TTN: variants seen among roughly 807,000 people sequenced by gnomAD.
TTN encodes titin.
A neutral mutation model predicts 3,223.0 loss-of-function variants in TTN; 1,525 were observed. That is an observed-to-expected ratio of 0.47 (90% CI 0.45 to 0.49). The LOEUF (loss-of-function observed/expected upper bound fraction) is 0.49, where lower values mean the gene tolerates loss of function less well. Among genes scored for constraint, TTN ranks in the 20% least tolerant of loss-of-function variants. The pLI is 0.00. For synonymous variants in TTN, 14,094 were observed against 15,161.0 expected, an observed-to-expected ratio of 0.93 and a Z score of 5.17; for missense variants, 40,786 against 43,424.0, an observed-to-expected ratio of 0.94 and a Z score of 5.40.
At chr2:178,719,010 G>T (rs770445318) in intron 83 of TTN, 37 bp from the exon 84 acceptor site, 2 of 1,537,020 alleles carry the variant, frequency 1.3e-6, no homozygotes, top group African/African-American at 1.4e-5. Context: ...ATAAAGAGAA[G>T]AAAGAAATCC....
At position 178,685,528 on chromosome 2, in the gene TTN, C is replaced by T; in HGVS notation, c.32382G>A (p.Glu10794=). 6.2e-7 allele frequency: 1 copy of T among 1,612,880 alleles called. No individual in the cohort carries two copies. The highest frequency in any genetic ancestry group is 8.5e-7 in the Non-Finnish European group (1 of 1,179,438). Residue 10794 remains glutamate, a synonymous_variant, in exon 128 of 363, where the codon GAG becomes GAA. Coordinates refer to ENST00000589042, the MANE Select transcript of TTN (RefSeq NM_001267550.2). ...AAAGAGTCAGCATACCTTCAGCTGGCTCAGCTTCCACTCTCTTAGAAATAA... is the reference window on the plus strand; with the variant it reads ...AAAGAGTCAGCATACCTTCAGCTGGTTCAGCTTCCACTCTCTTAGAAATAA... ...LHIISKRVEA[E]PAEVTERQEK... is the part of the protein sequence containing the mutation.
In TTN at chr2:178,770,769, A is replaced by G. The variant is rs1022006358; in HGVS notation, c.8117-94T>C. 4 of 1,452,944 alleles carry G rather than the reference A, an allele frequency of 2.8e-6. No homozygotes were observed. The African/African-American group carries it at 4.2e-5, about 15-fold the overall frequency. The allele number at this position is 1,452,944 out of a possible 1,614,324, so 90.0% of individuals were successfully genotyped here. ...AGATCATTGCTTACTCACCCTGCAA[A>G]AGAATGGCTACCAAACATTTTACAG... On this transcript the variant is annotated intron_variant, in intron 34 of 362. Transcript: ENST00000589042.
Position 178,709,758 on chromosome 2 carries a change from G to C in TTN, c.28561C>G (p.Gln9521Glu). The change falls in exon 99 of 363, where the codon CAA (glutamine) becomes GAA (glutamate). Residue 9521 changes from glutamine to glutamate, a missense_variant. Gln to Glu is a conservative substitution (Grantham distance 29). Coordinates refer to ENST00000589042, the MANE Select transcript of TTN (RefSeq NM_001267550.2). ...TTGTACCAGGCAACAGTTATAGGTT[G>C]GGAACCAGCCACACGTCCCTCAAGT... ...FKLEGRVAGS[Q>E]PITVAWYKNN... 6.2e-7 allele frequency: 1 copy of C among 1,613,756 alleles called. No individual in the cohort carries two copies. The highest frequency in any genetic ancestry group is 8.5e-7 in the Non-Finnish European group (1 of 1,179,822).
rs778798573 is a variant in TTN, at chr2:178,620,830, T to C, written c.45780A>G (p.Leu15260=). ...CATCTCTAATTCTGAGGGTGTAGAC[T>C]AGGTCTTTTTGGAGAATGATGTATT... is the stretch of plus-strand genomic sequence containing the variant. ...SSKYIILQKD[L]VYTLRIRDAH... is the part of the protein sequence containing the mutation. Residue 15260 remains leucine, a synonymous_variant, in exon 247 of 363, where the codon CTA becomes CTG. Coordinates refer to ENST00000589042, the MANE Select transcript of TTN (RefSeq NM_001267550.2). The C allele has an allele frequency of 1.5e-5, 24 of 1,612,530 alleles. No individual in the cohort carries two copies. The Admixed American group carries it at 3.0e-4, about 20-fold the overall frequency.
Position 178,663,900 on chromosome 2 carries a change from G to A in TTN, c.36367C>T (p.Pro12123Ser), listed in dbSNP as rs749714451. Residue 12123 changes from proline to serine, a missense_variant and splice_region_variant, in exon 170 of 363, where the codon CCA (proline) becomes TCA (serine). By Grantham distance (74) the Pro-to-Ser change is moderately conservative. Transcript: ENST00000589042. ...KKPEVPPVKVPEASKEVIREE... is the reference protein window; with the variant it reads ...KKPEVPPVKVSEASKEVIREE... Reference sequence around the variant, plus strand: ...CGGATAACCTCTTTGGAAGCTTCTGGCACTTGAAAGATATTAGTGAAATTA... The same window carrying A: ...CGGATAACCTCTTTGGAAGCTTCTGACACTTGAAAGATATTAGTGAAATTA... 6.2e-6 allele frequency: 10 copies of A among 1,613,268 alleles called. No individual in the cohort carries two copies. In the East Asian group the frequency reaches 1.1e-4, roughly 18 times the overall value.
chr2:178,533,608 C>T lies in TTN; in HGVS notation c.103007G>A (p.Arg34336Lys). Reference protein sequence around the residue: ...DDDAEYTVVARNKYGEDSCKA... With the variant: ...DDDAEYTVVAKNKYGEDSCKA... ...ACAGCTGTCTTCACCATATTTGTTCCTTGCCACAACAGTATATTCAGCGTC... is the reference window on the plus strand; with the variant it reads ...ACAGCTGTCTTCACCATATTTGTTCTTTGCCACAACAGTATATTCAGCGTC... Residue 34336 changes from arginine (R) to lysine (K), a missense_variant, in exon 358 of 363, where the codon AGG becomes AAG. By Grantham distance (26) the Arg-to-Lys change is conservative. Coordinates refer to ENST00000589042, the MANE Select transcript of TTN (RefSeq NM_001267550.2). 2 of 1,613,914 alleles carry T rather than the reference C, an allele frequency of 1.2e-6. No individual in the cohort carries two copies. The highest frequency in any genetic ancestry group is 1.7e-6 in the Non-Finnish European group (2 of 1,179,860).
chr2:178,777,436 C>T lies in TTN; in HGVS notation c.4629G>A (p.Val1543=). 1 of 1,613,688 alleles carries T rather than the reference C, an allele frequency of 6.2e-7. No homozygotes were observed. Among genetic ancestry groups the T allele is most frequent in the South Asian group, 1.1e-5 (1 of 91,064 alleles). ...TCATTTTACCTTCCACAGTTAAAATCACTGAAATTGAAGATCTGCCTGCCC... is the reference window on the plus strand; with the variant it reads ...TCATTTTACCTTCCACAGTTAAAATTACTGAAATTGAAGATCTGCCTGCCC... ...QNRAGRSSIS[V]ILTVEAVEHQ... is the part of the protein sequence containing the mutation. The change falls in exon 26 of 363, where the codon GTG becomes GTA. Residue 1543 remains valine (V), a synonymous_variant. Transcript: ENST00000589042.
chr2:178,659,458 A>G (rs964143807), intron 180 of TTN, among the ~76,000 whole-genome samples: 2 of 145,100 alleles, frequency 1.4e-5, no homozygotes, highest in South Asian at 2.2e-4. Context: ...GATTATCTCA[A>G]TAGATGCAGA....
At position 178,564,374 on chromosome 2, in the gene TTN, T is replaced by C. The variant is rs529055709; in HGVS notation, c.81758A>G (p.Asn27253Ser). The C allele has an allele frequency of 3.0e-5, 48 of 1,613,686 alleles. No individual in the cohort carries two copies. The East Asian group carries it at 1.0e-3, about 34-fold the overall frequency. Residue 27253 changes from asparagine to serine, a missense_variant, in exon 326 of 363, where the codon AAC becomes AGC. Coordinates refer to ENST00000589042, the MANE Select transcript of TTN (RefSeq NM_001267550.2). ...ACTACTATCAGATGGTTCACTAAAG[T>C]TTCCAGCTGCATTTCTTGCAATTAC... ...FRVIARNAAGNFSEPSDSSGA... is the reference protein window; with the variant it reads ...FRVIARNAAGSFSEPSDSSGA...
At position 178,674,306 on chromosome 2, in the gene TTN, G is replaced by T. The variant is rs762808097; in HGVS notation, c.34708+8C>A. The stretch of plus-strand genomic sequence containing the variant: ...TTTTAAATGTTCAATCCTTAAAAGC[G>T]GTTATACCTCTAGGTGGTGCCACCT... On this transcript the variant is annotated splice_region_variant and intron_variant, in intron 151 of 362. Transcript: ENST00000589042. The T allele has an allele frequency of 2.3e-4, 345 of 1,531,886 alleles. 2 individuals carry two copies. The South Asian group carries it at 3.7e-3, about 17-fold the overall frequency. The allele number at this position is 1,531,886 out of a possible 1,614,324, so 94.9% of individuals were successfully genotyped here.
intron 24 of TTN, 158 bp from the exon 25 acceptor site, chr2:178,778,133 A>G: frequency 1.1e-6 from 1 of 925,678 alleles, no homozygotes. Context: ...AATAGAATAT[A>G]TTATTGTTGC....
rs759753042 is a variant in TTN, at chr2:178,706,444, T to C, written c.29420+10A>G. The C allele has an allele frequency of 1.9e-5, 31 of 1,602,236 alleles. No homozygotes were observed. The highest frequency in any genetic ancestry group is 4.5e-5 in the East Asian group (2 of 44,714). On this transcript the variant is annotated intron_variant, in intron 102 of 362. Coordinates refer to ENST00000589042, the MANE Select transcript of TTN (RefSeq NM_001267550.2). ...CTGATTGTACGATTTGTGGTTTTTA[T>C]TGAACTCACTTTTTCAGCATTGCTC...
At position 178,558,270 on chromosome 2, in the gene TTN, G is replaced by A. The variant is rs150909802; in HGVS notation, c.87119-35C>T. The A allele has an allele frequency of 2.2e-4, 348 of 1,589,736 alleles. 1 individual carries two copies. The East Asian group carries it at 7.7e-3, about 35-fold the overall frequency. On this transcript the variant is annotated intron_variant, in intron 327 of 362. Transcript: ENST00000589042. ...GAGTATAGAAAGTGAAAGTGAAAAA[G>A]TGTTTCTGAAAATTAACATAAATCA... is the stretch of plus-strand genomic sequence containing the variant.
intron 1 of TTN, 58 bp from the exon 2 acceptor site, chr2:178,804,713 C>G (rs1203098691): frequency 3.3e-6 from 5 of 1,499,600 alleles, no homozygotes; most frequent in Middle Eastern, 2.1e-4. Flanking sequence ...TCTGGAGCTG[C>G]TTTGCAGATA....
intron 99 of TTN, among the ~76,000 whole-genome samples, chr2:178,709,022 G>A (rs1038116635): frequency 2.0e-5 from 3 of 152,046 alleles, no homozygotes; most frequent in Admixed American, 6.5e-5. Flanking sequence ...GATATGCAAT[G>A]TTTTCTACCC....
In TTN at chr2:178,721,138, T is replaced by C. The variant is rs1417736563; in HGVS notation, c.22881A>G (p.Gln7627=). Residue 7627 remains glutamine (Q), a synonymous_variant, in exon 79 of 363, where the codon CAA becomes CAG. Coordinates refer to ENST00000589042, the MANE Select transcript of TTN (RefSeq NM_001267550.2). The part of the protein sequence containing the change: ...SKVAKQGESI[Q]LECKISGSPE... ...GGGAGCCACTTATTTTACATTCCAG[T>C]TGAATGGATTCTCCCTGCTTTGCAA... 2 of 1,612,566 alleles carry C rather than the reference T, an allele frequency of 1.2e-6. No individual in the cohort carries two copies. Among genetic ancestry groups the C allele is most frequent in the East Asian group, 4.5e-5 (2 of 44,846 alleles).
Position 178,739,981 on chromosome 2 carries a change from A to C in TTN, c.13252T>G (p.Trp4418Gly). ...TCCACCTTTTCAATATTTCTTAGCC[A>C]CTCAGAGAAAAGACCTGGCTGCTCG... ...ASEQPGLFSE[W>G]LRNIEKVEVE... Residue 4418 changes from tryptophan to glycine, a missense_variant, in exon 48 of 363, where the codon TGG becomes GGG. Trp to Gly is a radical substitution (Grantham distance 184). Coordinates refer to ENST00000589042, the MANE Select transcript of TTN (RefSeq NM_001267550.2). 6.2e-7 allele frequency: 1 copy of C among 1,613,782 alleles called. No individual in the cohort carries two copies. Among genetic ancestry groups the C allele is most frequent in the Non-Finnish European group, 8.5e-7 (1 of 1,179,810 alleles).
chr2:178,636,068 G>A lies in TTN; in HGVS notation c.41503C>T (p.Arg13835Trp), dbSNP rs886055278. 20 of 1,613,186 alleles carry A rather than the reference G, an allele frequency of 1.2e-5. No homozygotes were observed. Among genetic ancestry groups the A allele is most frequent in the Non-Finnish European group, 1.7e-5 (20 of 1,179,510 alleles). ...TCTGCATCGTTGATGGTCAGAGCCC[G>A]CATCAAGCCAATGACGCCTGGCACA... ...RIVPGVIGLM[R>W]ALTINDADDT... The change falls in exon 226 of 363, where the codon CGG (arginine) becomes TGG (tryptophan). Residue 13835 changes from arginine (R) to tryptophan (W), a missense_variant. Physicochemically the swap from Arg to Trp is moderately radical, Grantham distance 101. Transcript: ENST00000589042. The surrounding 1 kb of genome is among the most constrained non-coding windows in gnomAD (Gnocchi z 4.3).
rs1207716146 is a variant in TTN, at chr2:178,569,260, A to T, written c.76872T>A (p.Pro25624=). The change falls in exon 326 of 363, where the codon CCT becomes CCA. Residue 25624 remains proline, a synonymous_variant. Transcript: ENST00000589042. The part of the protein sequence containing the change: ...TKDSVSITWE[P]PLLDGGSKIK... Reference sequence around the variant, plus strand: ...TTTTGGATCCCCCATCCAACAAAGGAGGTTCCCATGTAATTGATACTGAGT... The same window carrying T: ...TTTTGGATCCCCCATCCAACAAAGGTGGTTCCCATGTAATTGATACTGAGT... 1.2e-6 allele frequency: 2 copies of T among 1,605,446 alleles called. No individual in the cohort carries two copies. Among genetic ancestry groups the T allele is most frequent in the Admixed American group, 3.4e-5 (2 of 59,172 alleles).
Sources: gnomAD v4.1 joint callset for allele counts (sites outside exome capture counted in the v4.1 genomes callset) on GRCh38, gnomAD v4.1.1 for gene constraint, Gnocchi (gnomAD v3.1) non-coding constraint, MANE v1.5 for transcripts, NCBI Gene and HGNC (gene_info 2026-07-23, HGNC 2026-07-21) for gene names.